PCDH15: variants seen among roughly 807,000 people sequenced by gnomAD.
PCDH15 encodes the protein protocadherin related 15.
A neutral mutation model predicts 178.5 loss-of-function variants in PCDH15; 129 were observed. The ratio of observed to expected loss-of-function variants is 0.72; its 90% CI spans 0.63 to 0.84. The LOEUF (loss-of-function observed/expected upper bound fraction) is 0.84. Ranked by LOEUF, PCDH15 falls within the 40% of genes least tolerant of loss-of-function variation. The probability of loss-of-function intolerance (pLI) is 0.00; values close to 1 mark genes in which losing one functional copy is unlikely to be tolerated. For missense variants in PCDH15, 2,230 were observed against 2,099.9 expected, an observed-to-expected ratio of 1.06 and a Z score of -1.21; for synonymous variants, 800 against 732.0, an observed-to-expected ratio of 1.09 and a Z score of -1.50.
chr10:55,221,968 G>A (rs1437368488), intron 1 of PCDH15, among the ~76,000 whole-genome samples: 4 of 150,464 alleles, frequency 2.7e-5, no homozygotes, highest in Admixed American at 1.3e-4. Flanking sequence ...CTGGGTTCAC[G>A]CCATTCTCCT....
intron 2 of PCDH15, among the ~76,000 whole-genome samples, chr10:55,546,677 G>A (rs1469230619): frequency 6.6e-6 from 1 of 152,112 alleles, no homozygotes; most frequent in African/African-American, 2.4e-5. Context: ...TGGATACTAT[G>A]CAGATGGTTA....
intron 6 of PCDH15, among the ~76,000 whole-genome samples, chr10:54,336,401 G>A (rs554082746): frequency 6.6e-6 from 1 of 152,158 alleles, no homozygotes; most frequent in African/African-American, 2.4e-5. Flanking sequence ...TAGGCCAGGA[G>A]CCCTAGGAGA....
chr10:53,959,849 A>G lies in PCDH15; in HGVS notation c.3010-5T>C. 1.2e-6 allele frequency: 2 copies of G among 1,603,752 alleles called. No individual in the cohort carries two copies. The highest frequency in any genetic ancestry group is 1.1e-5 in the South Asian group (1 of 90,828). ...ATCAAAAGCAACCACCACCAACTTAAAAAGCAATAAAAATTCATGTTAAAG... is the reference window on the plus strand; with the variant it reads ...ATCAAAAGCAACCACCACCAACTTAGAAAGCAATAAAAATTCATGTTAAAG... On this transcript the variant is annotated splice_polypyrimidine_tract_variant and splice_region_variant and intron_variant, in intron 22 of 37. Coordinates refer to ENST00000644397, the MANE Select transcript of PCDH15 (RefSeq NM_001384140.1).
chr10:54,504,653 C>T (rs1424537788), intron 3 of PCDH15, among the ~76,000 whole-genome samples: 1 of 152,072 alleles, frequency 6.6e-6, no homozygotes, highest in South Asian at 2.1e-4. Context: ...AGAGTAAGGA[C>T]CAAGTTCTGG....
chr10:54,481,274 T>C (rs538634313), intron 3 of PCDH15, among the ~76,000 whole-genome samples: 4 of 152,000 alleles, frequency 2.6e-5, no homozygotes, highest in Admixed American at 2.0e-4. Flanking sequence ...AATATATATA[T>C]GCTTACTGCA....
chr10:55,066,429 T>C (rs933808861), intron 2 of PCDH15, among the ~76,000 whole-genome samples: 2 of 150,856 alleles, frequency 1.3e-5, no homozygotes, highest in African/African-American at 2.4e-5. Flanking sequence ...AGAGATTGGA[T>C]TGTTAATTTG....
chr10:54,660,878 C>T (rs898010871), intron 2 of PCDH15, among the ~76,000 whole-genome samples: 1 of 151,790 alleles, frequency 6.6e-6, no homozygotes, highest in Non-Finnish European at 1.5e-5. Flanking sequence ...CATCTCAATA[C>T]CTGCAGAAAA....
rs1402302531 is a variant in PCDH15, at chr10:53,963,515, A to G, written c.2869-1623T>C. Among the ~76,000 whole-genome samples the G allele has an allele frequency of 2.0e-5, 3 of 152,094 alleles. No homozygotes were observed. In the East Asian group the frequency reaches 5.8e-4, roughly 29 times the overall value. ...ACCTCTCCCAGTCTGATAGCTTCAAATATCTTCTATTTGTTCATAAATATC... is the reference window on the plus strand; with the variant it reads ...ACCTCTCCCAGTCTGATAGCTTCAAGTATCTTCTATTTGTTCATAAATATC... On this transcript the variant is annotated intron_variant, in intron 21 of 37. Coordinates refer to ENST00000644397, the MANE Select transcript of PCDH15 (RefSeq NM_001384140.1).
At chr10:54,706,406 G>A (rs76917049) in intron 1 of PCDH15, among the ~76,000 whole-genome samples, 40 of 152,192 alleles carry the variant, frequency 2.6e-4, no homozygotes, top group African/African-American at 8.9e-4. Context: ...GGGCTAATAG[G>A]CCTATAAGAA....
In PCDH15 at chr10:53,959,926, T is replaced by C. The variant is rs2088107857; in HGVS notation, c.3010-82A>G. The stretch of plus-strand genomic sequence containing the variant: ...ACAATTTTTATATGTATGTTTTTAC[T>C]TATTGGATTGCCTGGTTCCAGAAGG... On this transcript the variant is annotated intron_variant, in intron 22 of 37. Coordinates refer to ENST00000644397, the MANE Select transcript of PCDH15 (RefSeq NM_001384140.1). 4.7e-6 allele frequency: 5 copies of C among 1,071,962 alleles called. No homozygotes were observed. In the East Asian group the frequency reaches 1.3e-4, roughly 27 times the overall value. The allele number at this position is 1,071,962 out of a possible 1,614,324, so 66.4% of individuals were successfully genotyped here. A position where few individuals can be genotyped will look rare whatever the true frequency, so the allele number is the denominator to read the frequency against.
rs527372572 is a variant in PCDH15 at position 54,856,785 on chromosome 10, C to T, written c.-29+40665G>A. Among the ~76,000 whole-genome samples the T allele has an allele frequency of 1.1e-4, 17 of 152,210 alleles. No individual in the cohort carries two copies. In the East Asian group the frequency reaches 1.5e-3, roughly 14 times the overall value. ...ATATTCTTACAAATACTGTAGTCTA[C>T]GGATGTGACATTTTTGGACCTTTGG... On this transcript the variant is annotated intron_variant, in intron 3 of 5. Coordinates refer to the PCDH15 transcript ENST00000458638.
rs60673116 is a variant in PCDH15, at chr10:53,930,457, CAAAAAAAA to C, written c.3373+8350_3373+8357del. On this transcript the variant is annotated intron_variant, in intron 25 of 37. Coordinates refer to ENST00000644397, the MANE Select transcript of PCDH15 (RefSeq NM_001384140.1). Reference sequence around the variant, plus strand: ...TGGGTGACAGAGTGAGACTCCCTCTCAAAAAAAAAAAAAAAAAAAAAAAAAAAAAGAAA... The same window carrying C: ...TGGGTGACAGAGTGAGACTCCCTCTCAAAAAAAAAAAAAAAAAAAAAGAAA... Among the ~76,000 whole-genome samples the C allele has an allele frequency of 5.6e-3, 283 of 50,360 alleles. 3 individuals are homozygous for C. Among genetic ancestry groups the C allele is most frequent in the African/African-American group, 0.02 (245 of 12,338 alleles). The allele number at this position is 50,360 out of a possible 152,430, so 33.0% of individuals were successfully genotyped here. A position where few individuals can be genotyped will look rare whatever the true frequency, so the allele number is the denominator to read the frequency against.
At chr10:54,772,476 A>G (rs374615552) in intron 1 of PCDH15, among the ~76,000 whole-genome samples, 50 of 152,314 alleles carry the variant, frequency 3.3e-4, no homozygotes, top group Non-Finnish European at 5.4e-4. Context: ...GCTCCACTCA[A>G]AAGAAGACAT....
Position 54,238,150 on chromosome 10 carries a change from C to A in PCDH15, c.877-1219G>T, listed in dbSNP as rs148039598. Reference sequence around the variant, plus strand: ...CTGTGAAACTTAAACTACTGTTTCCCAAACATTTAGTATGTCTCAATATCT... The same window carrying A: ...CTGTGAAACTTAAACTACTGTTTCCAAAACATTTAGTATGTCTCAATATCT... On this transcript the variant is annotated intron_variant, in intron 8 of 37. Coordinates refer to ENST00000644397, the MANE Select transcript of PCDH15 (RefSeq NM_001384140.1). Among the ~76,000 whole-genome samples, 468 of 152,138 alleles carry A rather than the reference C, an allele frequency of 3.1e-3. 3 individuals carry two copies. Among genetic ancestry groups the A allele is most frequent in the African/African-American group, 0.01 (431 of 41,540 alleles).
chr10:53,885,641 A>G (rs1247622612), intron 26 of PCDH15, among the ~76,000 whole-genome samples: 2 of 152,190 alleles, frequency 1.3e-5, no homozygotes, highest in Non-Finnish European at 2.9e-5. Flanking sequence ...ACTTTATAAC[A>G]TGGTGCTAAG....
At chr10:54,216,180 G>A (rs1270713326) in intron 9 of PCDH15, among the ~76,000 whole-genome samples, 2 of 152,038 alleles carry the variant, frequency 1.3e-5, no homozygotes, top group Non-Finnish European at 2.9e-5. Flanking sequence ...GGCTGGCTCG[G>A]CGCAGTGGCT....
chr10:53,831,998 A>G (rs916050183), intron 29 of PCDH15, among the ~76,000 whole-genome samples: 4 of 152,180 alleles, frequency 2.6e-5, no homozygotes, highest in Non-Finnish European at 5.9e-5. Context: ...ACAGTTATAA[A>G]AACAAATCTG....
intron 3 of PCDH15, among the ~76,000 whole-genome samples, chr10:54,851,477 G>A (rs1045203753): frequency 6.6e-6 from 1 of 152,092 alleles, no homozygotes. Flanking sequence ...TATGGAAACT[G>A]TCTTCAGAGA....
intron 5 of PCDH15, among the ~76,000 whole-genome samples, chr10:54,364,466 C>T (rs773131617): frequency 7.9e-5 from 12 of 152,006 alleles, no homozygotes; most frequent in Non-Finnish European, 1.6e-4. Flanking sequence ...TTGATACATC[C>T]GTGAAAACCC....
Sources: allele counts gnomAD v4.1 joint callset (sites outside exome capture counted in the v4.1 genomes callset), GRCh38; gene constraint gnomAD v4.1.1; transcripts MANE v1.5; gene names NCBI Gene and HGNC (gene_info 2026-07-23, HGNC 2026-07-21).